Variants in RRM2 observed in about 807,000 individuals in gnomAD.
RRM2 encodes the protein ribonucleotide reductase regulatory subunit M2, also known as ribonucleoside-diphosphate reductase subunit M2.
A neutral mutation model predicts 45.9 loss-of-function variants in RRM2; 6 were observed. That is an observed-to-expected ratio of 0.13 (90% CI 0.07 to 0.26). RRM2 has a LOEUF of 0.26. RRM2 is among the 10% of genes least tolerant of loss of function. The pLI, the probability that RRM2 is intolerant of heterozygous loss-of-function variation, is 1.00. For synonymous variants in RRM2, 177 were observed against 173.0 expected (o/e 1.02, Z -0.18); for missense variants, 343 against 489.5 (o/e 0.70, Z 2.82).
chr2:10,181,309 G>C (rs1404028277), intron 3 of RRM2, among the ~76,000 whole-genome samples: 1 of 140,820 alleles, frequency 7.1e-6, no homozygotes. Flanking sequence ...TTGCCTGCAG[G>C]ATGGTAGCAA....
Position 10,205,338 on chromosome 2 carries a change from C to T in RRM2, n.483-4973C>T, listed in dbSNP as rs367936133. On this transcript the variant is annotated intron_variant and non_coding_transcript_variant, in intron 3 of 3. Coordinates refer to the RRM2 transcript ENST00000381786. The surrounding 1 kb of genome is among the most constrained non-coding windows in gnomAD (Gnocchi z 4.8). ...CCCTCGGTATGTCCCACTCAGCATC[C>T]TCCCCAGGTCAGAACACATTTTGGG... Among the ~76,000 whole-genome samples, 27 of 152,300 alleles carry T rather than the reference C, an allele frequency of 1.8e-4. No individual in the cohort carries two copies. In the East Asian group the frequency reaches 2.3e-3, roughly 13 times the overall value.
chr2:10,139,742 C>T (rs1663046413), upstream of RRM2, among the ~76,000 whole-genome samples: 1 of 152,190 alleles, frequency 6.6e-6, no homozygotes, highest in South Asian at 2.1e-4. Flanking sequence ...GGAAGCAAGT[C>T]CTAGAACTTT....
At chr2:10,152,381 T>C (rs1663331237) in intron 3 of RRM2, among the ~76,000 whole-genome samples, 1 of 152,192 alleles carries the variant, frequency 6.6e-6, no homozygotes, top group Admixed American at 6.5e-5. Context: ...TTTCATTTTA[T>C]TCAGTGTCTT....
intron 3 of RRM2, among the ~76,000 whole-genome samples, chr2:10,161,985 CAG>C (rs1485612908): frequency 6.6e-6 from 1 of 152,230 alleles, no homozygotes; most frequent in Admixed American, 6.5e-5. Flanking sequence ...AGGGCGAGGA[CAG>C]AGCGCAGCCA....
intron 3 of RRM2, among the ~76,000 whole-genome samples, chr2:10,162,897 C>T (rs962689632): frequency 2.6e-5 from 4 of 152,212 alleles, no homozygotes; most frequent in Non-Finnish European, 4.4e-5. Flanking sequence ...CGGGGACCCC[C>T]GGGGCATGGC....
intron 3 of RRM2, among the ~76,000 whole-genome samples, chr2:10,173,986 C>T (rs1490092552): frequency 1.3e-5 from 2 of 152,178 alleles, no homozygotes; most frequent in Admixed American, 1.3e-4. Context: ...AACTGTGTCC[C>T]CTGCAATTCA....
downstream of RRM2, among the ~76,000 whole-genome samples, chr2:10,132,408 G>T (rs756647279): frequency 7.2e-5 from 11 of 152,108 alleles, no homozygotes; most frequent in Admixed American, 2.0e-4. Context: ...GAGGTCTCAT[G>T]GGGGGAGATG....
chr2:10,181,732 G>GCA (rs1174805816), intron 3 of RRM2, among the ~76,000 whole-genome samples: 1 of 145,886 alleles, frequency 6.9e-6, no homozygotes, highest in East Asian at 2.0e-4. Context: ...CTGACAGACT[G>GCA]CACAGCTCTC....
At chr2:10,141,204 G>T (rs771236823), upstream of RRM2, among the ~76,000 whole-genome samples, 1 of 152,108 alleles carries the variant, frequency 6.6e-6, no homozygotes, top group Non-Finnish European at 1.5e-5. Context: ...TTCAGAAACC[G>T]CTGGCTTGGA....
chr2:10,199,104 AG>A (rs1664479126), intron 3 of RRM2: 1 of 152,192 alleles, frequency 6.6e-6, no homozygotes, highest in Non-Finnish European at 1.5e-5. Context: ...CTTCCTGCTG[AG>A]AGAGGGTTGT....
At chr2:10,202,122 C>T (rs1409271631) in intron 3 of RRM2, among the ~76,000 whole-genome samples, 1 of 152,098 alleles carries the variant, frequency 6.6e-6, no homozygotes, top group Admixed American at 6.6e-5. Context: ...GAGGATACCC[C>T]TTTTAGCCAA....
At chr2:10,174,690 G>A (rs6712155) in intron 3 of RRM2, among the ~76,000 whole-genome samples, 5,987 of 151,620 alleles carry the variant, frequency 0.039, 393 homozygotes, top group African/African-American at 0.14. Context: ...AACACAGCAA[G>A]ACCCCATCTC....
intron 3 of RRM2, among the ~76,000 whole-genome samples, chr2:10,182,984 T>C (rs1158906990): frequency 1.3e-5 from 2 of 152,040 alleles, no homozygotes; most frequent in African/African-American, 4.8e-5. Flanking sequence ...TGGAGACCAG[T>C]CTGAGCAACA....
At chr2:10,159,293 A>G (rs944291020) in intron 3 of RRM2, among the ~76,000 whole-genome samples, 3 of 152,182 alleles carry the variant, frequency 2.0e-5, no homozygotes, top group African/African-American at 4.8e-5. Context: ...CCCCAGAGGG[A>G]TCCGAGGAGG....
chr2:10,183,256 T>A (rs913037390), intron 3 of RRM2, among the ~76,000 whole-genome samples: 1 of 152,210 alleles, frequency 6.6e-6, no homozygotes, highest in Admixed American at 6.5e-5. Flanking sequence ...TACCCAGCAC[T>A]TACTAGCCAC....
At chr2:10,153,952 A>T (rs1663370250) in intron 3 of RRM2, among the ~76,000 whole-genome samples, 1 of 152,238 alleles carries the variant, frequency 6.6e-6, no homozygotes, top group Non-Finnish European at 1.5e-5. Context: ...GTTCTGGAAA[A>T]GAAATTGTTG....
At chr2:10,143,653 G>T (rs1663132413) in intron 3 of RRM2, among the ~76,000 whole-genome samples, 1 of 152,184 alleles carries the variant, frequency 6.6e-6, no homozygotes, top group Non-Finnish European at 1.5e-5. Context: ...AGTCATCAGT[G>T]GGGCTCGCTA....
chr2:10,166,873 G>A (rs1451819850), intron 3 of RRM2, among the ~76,000 whole-genome samples: 2 of 152,244 alleles, frequency 1.3e-5, no homozygotes, highest in Non-Finnish European at 2.9e-5. Flanking sequence ...CTCTCTCAGA[G>A]CTTTTACCCT....
chr2:10,133,383 A>G (rs1469412191), downstream of RRM2, among the ~76,000 whole-genome samples: 5 of 152,198 alleles, frequency 3.3e-5, no homozygotes, highest in South Asian at 1.0e-3. Flanking sequence ...GTGGCCTCTG[A>G]CCTGAGGACT....
Sources: allele counts gnomAD v4.1 joint callset (sites outside exome capture counted in the v4.1 genomes callset), GRCh38; gene constraint gnomAD v4.1.1; non-coding constraint Gnocchi (gnomAD v3.1); transcripts MANE v1.5; gene names NCBI Gene and HGNC (gene_info 2026-07-23, HGNC 2026-07-21).